LRP1B: variants seen among roughly 807,000 people sequenced by gnomAD.
LRP1B encodes low-density lipoprotein receptor-related protein 1B.
A neutral mutation model predicts 556.6 loss-of-function variants in LRP1B; 217 were observed. The ratio of observed to expected loss-of-function variants is 0.39; its 90% CI spans 0.35 to 0.44. LRP1B has a LOEUF of 0.44. Among genes scored for constraint, LRP1B ranks in the 20% least tolerant of loss-of-function variants. The probability of loss-of-function intolerance (pLI) is 1.00; values close to 1 mark genes in which losing one functional copy is unlikely to be tolerated. For missense variants in LRP1B, 5,053 were observed against 5,620.8 expected (o/e 0.90, Z 3.23); for synonymous variants, 2,047 against 1,865.8 (o/e 1.10, Z -2.50).
chr2:141,460,120 T>C (rs774004973), intron 3 of LRP1B, among the ~76,000 whole-genome samples: 15 of 152,172 alleles, frequency 9.9e-5, no homozygotes, highest in Non-Finnish European at 2.2e-4. Context: ...ATGATCTTCC[T>C]GAAAGCAATT....
chr2:142,005,200 A>T (rs1266323678), intron 1 of LRP1B, among the ~76,000 whole-genome samples: 1 of 151,146 alleles, frequency 6.6e-6, no homozygotes, highest in African/African-American at 2.4e-5. Context: ...ATATATATTT[A>T]GTGCAGACCA....
At chr2:140,863,756 GCTA>G (rs1404492789) in intron 27 of LRP1B, among the ~76,000 whole-genome samples, 1 of 152,048 alleles carries the variant, frequency 6.6e-6, no homozygotes, top group African/African-American at 2.4e-5. Flanking sequence ...ACCACACCCT[GCTA>G]CTTTTAAATT....
At chr2:141,142,878 T>C (rs1349970319) in intron 7 of LRP1B, among the ~76,000 whole-genome samples, 1 of 151,600 alleles carries the variant, frequency 6.6e-6, no homozygotes, top group East Asian at 1.9e-4. Context: ...CTCCCCAAGT[T>C]TGAATGAGTG....
At chr2:141,155,437 G>A (rs191408367) in intron 7 of LRP1B, among the ~76,000 whole-genome samples, 112 of 150,548 alleles carry the variant, frequency 7.4e-4, no homozygotes, top group African/African-American at 2.0e-3. Context: ...TGAACAAGGG[G>A]GTACACTTCT....
chr2:141,806,498 A>G (rs1696172790), intron 2 of LRP1B, among the ~76,000 whole-genome samples: 1 of 151,972 alleles, frequency 6.6e-6, no homozygotes, highest in African/African-American at 2.4e-5. Flanking sequence ...TAAGATTATA[A>G]ATTATTAAAA....
At chr2:141,146,273 CG>C (rs1484989268) in intron 7 of LRP1B, among the ~76,000 whole-genome samples, 7 of 152,126 alleles carry the variant, frequency 4.6e-5, no homozygotes, top group Non-Finnish European at 1.0e-4. Flanking sequence ...CCTCCCATGC[CG>C]GGTTCACTCT....
intron 7 of LRP1B, among the ~76,000 whole-genome samples, chr2:141,119,016 T>G (rs1413530079): frequency 6.6e-6 from 1 of 151,934 alleles, no homozygotes; most frequent in African/African-American, 2.4e-5. Context: ...GCAGGCTAAC[T>G]GCTCAGGCGG....
chr2:141,878,190 G>C (rs1698832156), intron 1 of LRP1B, among the ~76,000 whole-genome samples: 1 of 151,518 alleles, frequency 6.6e-6, no homozygotes, highest in African/African-American at 2.4e-5. Flanking sequence ...CTGTAGGCTA[G>C]AGCTATAGAG....
rs565605897 is a variant in LRP1B at position 141,804,386 on chromosome 2, T to C, written c.205+5893A>G. 3.3e-5 allele frequency among the ~76,000 whole-genome samples: 5 copies of C among 152,256 alleles called. No homozygotes were observed. In the South Asian group the frequency reaches 1.0e-3, roughly 32 times the overall value. ...TTGACTATTGTATTTTTAATACATGTATTTCAAATTTAGTCAATTATTCAA... is the reference window on the plus strand; with the variant it reads ...TTGACTATTGTATTTTTAATACATGCATTTCAAATTTAGTCAATTATTCAA... On this transcript the variant is annotated intron_variant, in intron 2 of 90. Coordinates refer to ENST00000389484, the MANE Select transcript of LRP1B (RefSeq NM_018557.3).
chr2:141,094,633 G>T (rs374985907), intron 7 of LRP1B, among the ~76,000 whole-genome samples: 2 of 152,202 alleles, frequency 1.3e-5, no homozygotes, highest in South Asian at 4.1e-4. Context: ...CTGGGCTAAA[G>T]AATATTCTTC....
At chr2:141,000,931 A>G (rs1157642861) in intron 15 of LRP1B, among the ~76,000 whole-genome samples, 1 of 151,970 alleles carries the variant, frequency 6.6e-6, no homozygotes, top group Non-Finnish European at 1.5e-5. Flanking sequence ...CAATATAGAT[A>G]TGTTCACCTA....
intron 33 of LRP1B, among the ~76,000 whole-genome samples, chr2:140,775,207 G>C: frequency 6.6e-6 from 1 of 151,816 alleles, no homozygotes; most frequent in Non-Finnish European, 1.5e-5. Context: ...TGCAGGCAGC[G>C]CTCTCAATTG....
At chr2:140,989,264 A>G (rs2105352128) in intron 17 of LRP1B, among the ~76,000 whole-genome samples, 1 of 152,250 alleles carries the variant, frequency 6.6e-6, no homozygotes, top group South Asian at 2.1e-4. Flanking sequence ...TAGTAGGGAC[A>G]AGTCTTGTAC....
chr2:141,504,942 C>A (rs1157397090), intron 2 of LRP1B, among the ~76,000 whole-genome samples: 1 of 152,030 alleles, frequency 6.6e-6, no homozygotes, highest in African/African-American at 2.4e-5. Context: ...TAATGGCTAA[C>A]ATATTTGAAA....
At chr2:141,522,763 T>C (rs1559119987) in intron 2 of LRP1B, among the ~76,000 whole-genome samples, 1 of 152,132 alleles carries the variant, frequency 6.6e-6, no homozygotes, top group Non-Finnish European at 1.5e-5. Context: ...AAAAATTGCT[T>C]TTAAAAAAGG....
chr2:140,663,691 G>A (rs1425292574), intron 41 of LRP1B, among the ~76,000 whole-genome samples: 1 of 152,144 alleles, frequency 6.6e-6, no homozygotes, highest in Non-Finnish European at 1.5e-5. Flanking sequence ...TCAGCAAGAA[G>A]GGTACTGTAT....
At chr2:140,620,154 GA>G (rs1683400642) in intron 41 of LRP1B, among the ~76,000 whole-genome samples, 1 of 152,082 alleles carries the variant, frequency 6.6e-6, no homozygotes, top group Non-Finnish European at 1.5e-5. Flanking sequence ...GGTCTTCTGA[GA>G]AAATTATGAA....
intron 87 of LRP1B, among the ~76,000 whole-genome samples, chr2:140,244,625 T>C (rs1681079049): frequency 6.6e-6 from 1 of 151,302 alleles, no homozygotes; most frequent in South Asian, 2.1e-4. Context: ...ATAATAGATC[T>C]GCCTAATTCC....
At chr2:140,756,476 T>C (rs990410850) in intron 35 of LRP1B, among the ~76,000 whole-genome samples, 9 of 151,974 alleles carry the variant, frequency 5.9e-5, no homozygotes, top group African/African-American at 9.7e-5. Context: ...CTCATAAAAA[T>C]AAAATAGATA....
Sources: gnomAD v4.1 joint callset for allele counts (sites outside exome capture counted in the v4.1 genomes callset) on GRCh38, gnomAD v4.1.1 for gene constraint, MANE v1.5 for transcripts, NCBI Gene and HGNC (gene_info 2026-07-23, HGNC 2026-07-21) for gene names.